PITPNC1: variants seen among roughly 807,000 people sequenced by gnomAD.
PITPNC1 encodes cytoplasmic phosphatidylinositol transfer protein 1.
Under a neutral mutation model 44.7 loss-of-function variants are expected in PITPNC1, and 18 were observed. That is an observed-to-expected ratio of 0.40 (90% CI 0.28 to 0.60). PITPNC1 has a LOEUF of 0.60. Among genes scored for constraint, PITPNC1 ranks in the 20% least tolerant of loss-of-function variants. The probability of loss-of-function intolerance (pLI) is 0.39; values close to 1 mark genes in which losing one functional copy is unlikely to be tolerated. For synonymous variants in PITPNC1, 141 were observed against 149.6 expected, an observed-to-expected ratio of 0.94 and a Z score of 0.42; for missense variants, 290 against 418.4, an observed-to-expected ratio of 0.69 and a Z score of 2.68.
intron 1 of PITPNC1, among the ~76,000 whole-genome samples, chr17:67,404,975 C>T (rs190745438): frequency 1.3e-3 from 197 of 152,146 alleles, no homozygotes; most frequent in African/African-American, 4.2e-3. Context: ...GGCCAGGCAC[C>T]GTCACTCACG....
chr17:67,513,353 GTATCTATATCTATATCTA>G lies in PITPNC1; in HGVS notation c.49-19412_49-19395del, dbSNP rs66547837. ...AGCCTGGGTGACACAGGAAGAGTCT[GTATCTATATCTATATCTA>G]TATCTATATCTATATCTATATCTAT... On this transcript the variant is annotated intron_variant, in intron 1 of 8. Coordinates refer to ENST00000581322, the MANE Select transcript of PITPNC1 (RefSeq NM_012417.4). 8.8e-3 allele frequency among the ~76,000 whole-genome samples: 1,223 copies of G among 139,226 alleles called. 9 individuals carry two copies. Among genetic ancestry groups the G allele is most frequent in the South Asian group, 0.03 (130 of 4,284 alleles). The allele number at this position is 139,226 out of a possible 152,430, so 91.3% of individuals were successfully genotyped here.
intron 5 of PITPNC1, among the ~76,000 whole-genome samples, chr17:67,628,062 G>T (rs2041917181): frequency 6.6e-6 from 1 of 151,772 alleles, no homozygotes; most frequent in Non-Finnish European, 1.5e-5. Context: ...GAGTACCAGG[G>T]TTCACAGGCA....
At chr17:67,685,731 G>A (rs1184046385) in intron 8 of PITPNC1, among the ~76,000 whole-genome samples, 1 of 152,154 alleles carries the variant, frequency 6.6e-6, no homozygotes, top group Non-Finnish European at 1.5e-5. Flanking sequence ...GTAGGGGTGG[G>A]GGTAAAATGA....
At chr17:67,537,864 CT>C (rs1435549501) in intron 2 of PITPNC1, among the ~76,000 whole-genome samples, 2 of 151,618 alleles carry the variant, frequency 1.3e-5, no homozygotes, top group African/African-American at 4.8e-5. Flanking sequence ...CCCAGCTACT[CT>C]GGAGGCTGAG....
intron 5 of PITPNC1, among the ~76,000 whole-genome samples, chr17:67,594,178 G>A (rs2041429706): frequency 6.6e-6 from 1 of 152,186 alleles, no homozygotes; most frequent in Non-Finnish European, 1.5e-5. Context: ...AAGTGATAAC[G>A]GGACTTCGCT....
intron 1 of PITPNC1, among the ~76,000 whole-genome samples, chr17:67,506,725 C>G (rs1458779413): frequency 6.6e-6 from 1 of 152,012 alleles, no homozygotes; most frequent in Non-Finnish European, 1.5e-5. Context: ...TTAAATTACA[C>G]CTATACTAGG....
chr17:67,574,699 A>G (rs912875687), intron 4 of PITPNC1, among the ~76,000 whole-genome samples: 3 of 152,202 alleles, frequency 2.0e-5, no homozygotes, highest in Non-Finnish European at 4.4e-5. Flanking sequence ...GACGGCACTG[A>G]AGAAGCCCAG....
chr17:67,580,419 C>G (rs2041213795), intron 5 of PITPNC1, among the ~76,000 whole-genome samples: 1 of 152,244 alleles, frequency 6.6e-6, no homozygotes, highest in South Asian at 2.1e-4. Context: ...GATCTCAGGT[C>G]ACTGCAGCCT....
chr17:67,689,167 A>C (rs2042876460), intron 8 of PITPNC1, among the ~76,000 whole-genome samples: 1 of 152,230 alleles, frequency 6.6e-6, no homozygotes, highest in Non-Finnish European at 1.5e-5. Context: ...GTGCCACTGC[A>C]CTCCAGCCTG....
At chr17:67,384,723 C>T (rs1315997717) in intron 1 of PITPNC1, among the ~76,000 whole-genome samples, 1 of 152,210 alleles carries the variant, frequency 6.6e-6, no homozygotes, top group Non-Finnish European at 1.5e-5. Context: ...CTGCGCCGGG[C>T]CTTGTTCTCA....
chr17:67,442,213 A>ATATG (rs1292371692), intron 1 of PITPNC1, among the ~76,000 whole-genome samples: 4 of 73,706 alleles, frequency 5.4e-5, no homozygotes, highest in African/African-American at 8.3e-5. Flanking sequence ...GCATATATAT[A>ATATG]TATATATATA....
At chr17:67,644,425 ATTTT>A (rs750245444) in intron 6 of PITPNC1, among the ~76,000 whole-genome samples, 2,017 of 108,776 alleles carry the variant, frequency 0.019, 11 homozygotes, top group Middle Eastern at 0.057. Flanking sequence ...TCCCTCTGTA[ATTTT>A]TTTTTTTTTT....
intron 1 of PITPNC1, among the ~76,000 whole-genome samples, chr17:67,410,094 G>A (rs915876816): frequency 6.6e-6 from 1 of 152,120 alleles, no homozygotes; most frequent in Non-Finnish European, 1.5e-5. Context: ...TCAGAACTAC[G>A]TTTCAGAAAA....
At chr17:67,558,113 G>A (rs959099984) in intron 4 of PITPNC1, among the ~76,000 whole-genome samples, 2 of 152,108 alleles carry the variant, frequency 1.3e-5, no homozygotes, top group African/African-American at 4.8e-5. Context: ...GCCCTCATTC[G>A]TGACAAAGCC....
At chr17:67,677,908 A>C (rs775272551) in intron 8 of PITPNC1, among the ~76,000 whole-genome samples, 9 of 151,054 alleles carry the variant, frequency 6.0e-5, no homozygotes, top group Non-Finnish European at 1.3e-4. Flanking sequence ...ACTTCTAATA[A>C]AAATTGAAAG....
intron 1 of PITPNC1, among the ~76,000 whole-genome samples, chr17:67,395,287 T>C (rs974225027): frequency 2.0e-5 from 3 of 152,042 alleles, no homozygotes; most frequent in Non-Finnish European, 2.9e-5. Context: ...ACAACGGGTC[T>C]GCACCACCAT....
rs142848535 is a variant in PITPNC1, at chr17:67,468,624, C to T, written c.49-64178C>T. Among the ~76,000 whole-genome samples the T allele has an allele frequency of 0.01, 1,542 of 151,254 alleles. 52 individuals carry two copies. In the East Asian group the frequency reaches 0.11, roughly 11 times the overall value. On this transcript the variant is annotated intron_variant, in intron 1 of 8. Transcript: ENST00000581322. ...TTCACCGTGTTAGCCAGGAGGGTCT[C>T]GATCTCCTGACCTCGTGATCCGCCC...
At chr17:67,450,324 C>G (rs2039157419) in intron 1 of PITPNC1, among the ~76,000 whole-genome samples, 1 of 151,916 alleles carries the variant, frequency 6.6e-6, no homozygotes, top group African/African-American at 2.4e-5. Flanking sequence ...AGTGAGCCCA[C>G]AGGCAAGTCA....
In PITPNC1 at chr17:67,677,203, T is replaced by C. The variant is rs537328853; in HGVS notation, c.682+1661T>C. On this transcript the variant is annotated intron_variant, in intron 8 of 8. Transcript: ENST00000581322. ...AGCTTGTGCTCCTCAGAGCTCATGG[T>C]TTCCTTGCTACCAACACCAAGGAAA... 7.9e-5 allele frequency among the ~76,000 whole-genome samples: 12 copies of C among 152,290 alleles called. No homozygotes were observed. The South Asian group carries it at 2.5e-3, about 32-fold the overall frequency.
Sources: gnomAD v4.1 joint callset for allele counts (sites outside exome capture counted in the v4.1 genomes callset) on GRCh38, gnomAD v4.1.1 for gene constraint, MANE v1.5 for transcripts, NCBI Gene and HGNC (gene_info 2026-07-23, HGNC 2026-07-21) for gene names.